Variants in POLR2F observed in about 807,000 individuals in gnomAD.
The protein encoded by POLR2F is DNA-directed RNA polymerases I, II, and III subunit RPABC2.
In POLR2F, 12 loss-of-function variants were observed where a neutral mutation model predicts 22.7. That is an observed-to-expected ratio of 0.53 (90% CI 0.34 to 0.86). The LOEUF (loss-of-function observed/expected upper bound fraction) is 0.86, where lower values mean the gene tolerates loss of function less well. POLR2F is among the 40% of genes least tolerant of loss of function. The pLI is 0.02. For missense variants in POLR2F, 126 were observed against 171.5 expected (o/e 0.73, Z 1.48); for synonymous variants, 57 against 66.0 (o/e 0.86, Z 0.66).
chr22:38,040,786 C>A, intron 5 of POLR2F: 1 of 487,086 alleles, frequency 2.1e-6, no homozygotes, highest in Non-Finnish European at 3.7e-6. Flanking sequence ...GCCTGGTGGG[C>A]ATGTTGTGAT....
At chr22:38,006,228 T>C (rs887547690) in intron 1 of POLR2F, among the ~76,000 whole-genome samples, 3 of 151,410 alleles carry the variant, frequency 2.0e-5, no homozygotes, top group Non-Finnish European at 2.9e-5. Context: ...AAAAAAAAAA[T>C]GGTTTGCTCT....
chr22:37,983,481 G>A (rs758261188), upstream of POLR2F: 2 of 1,611,828 alleles, frequency 1.2e-6, no homozygotes, highest in South Asian at 2.2e-5. The surrounding 1 kb of genome is among the most constrained non-coding windows in gnomAD (Gnocchi z 9.5). Context: ...TTGACGTGCG[G>A]CTTGCTTTTG....
At position 37,956,706 on chromosome 22, in the gene POLR2F, C is replaced by T. The variant is rs1209223101; in HGVS notation, c.21-67C>T. The T allele has an allele frequency of 1.0e-5, 13 of 1,249,622 alleles. No homozygotes were observed. In the East Asian group the frequency reaches 1.2e-4, roughly 11 times the overall value. The allele number at this position is 1,249,622 out of a possible 1,614,324, so 77.4% of individuals were successfully genotyped here. A position where few individuals can be genotyped will look rare whatever the true frequency, so the allele number is the denominator to read the frequency against. ...TACCAGGATTACAAGTGTGATCCAC[C>T]GTGCCTGGCCCCTCTTTGATTCTTT... On this transcript the variant is annotated intron_variant, in intron 1 of 4. Transcript: ENST00000442738.
In POLR2F at chr22:38,017,150, A is replaced by G. The variant is rs2084922732; in HGVS notation, c.121-8719A>G. ...TCATGTGCCCTGGGCTTGCTGTGCCACCCAAGGCAGCCTCTCTAGGTCTGG... is the reference window on the plus strand; with the variant it reads ...TCATGTGCCCTGGGCTTGCTGTGCCGCCCAAGGCAGCCTCTCTAGGTCTGG... On this transcript the variant is annotated intron_variant, in intron 1 of 2. Coordinates refer to the POLR2F transcript ENST00000333418. This position sits in a 1 kb window ranked among gnomAD's most constrained non-coding sequence, Gnocchi z 4.1. Among the ~76,000 whole-genome samples the G allele has an allele frequency of 1.3e-5, 2 of 152,156 alleles. No homozygotes were observed. The highest frequency in any genetic ancestry group is 1.3e-4 in the Admixed American group (2 of 15,288).
At chr22:37,965,314 CTGTT>C (rs1344582443) in intron 3 of POLR2F, among the ~76,000 whole-genome samples, 1 of 152,238 alleles carries the variant, frequency 6.6e-6, no homozygotes, top group East Asian at 1.9e-4. Context: ...GCCAGAACAA[CTGTT>C]TGTTGGGTAG....
chr22:37,967,015 C>A, intron 3 of POLR2F, 84 bp from the exon 4 acceptor site: 1 of 947,864 alleles, frequency 1.1e-6, no homozygotes, highest in Non-Finnish European at 1.6e-6. Flanking sequence ...AGGTGGGGAC[C>A]AGGATGCCGT....
chr22:37,971,278 C>T (rs760647866), downstream of POLR2F: 17 of 470,938 alleles, frequency 3.6e-5, no homozygotes, highest in Admixed American at 9.4e-5. Context: ...GCATCAGCCT[C>T]GCAAACTTCA....
At position 37,986,298 on chromosome 22, in the gene POLR2F, C is replaced by G. The variant is rs1258100835; in HGVS notation, c.108C>G (p.Gly36=). Residue 36 remains glycine, a synonymous_variant, in exon 1 of 3, where the codon GGC becomes GGG. Transcript: ENST00000333418. This position sits in a 1 kb window ranked among gnomAD's most constrained non-coding sequence, Gnocchi z 4.7. ...GCCCGCCCGCTGCCTGCCTGCCTGGCATCTCTCTCTCCCGGTGGGTCCCCA... is the reference window on the plus strand; with the variant it reads ...GCCCGCCCGCTGCCTGCCTGCCTGGGATCTCTCTCTCCCGGTGGGTCCCCA... 5 of 1,537,702 alleles carry G rather than the reference C, an allele frequency of 3.3e-6. No homozygotes were observed. The South Asian group carries it at 3.6e-5, about 11-fold the overall frequency.
At position 37,977,619 on chromosome 22, in the gene POLR2F, G is replaced by A. The variant is rs117929423; in HGVS notation, c.293+10449G>A. Among the ~76,000 whole-genome samples the A allele has an allele frequency of 8.4e-4, 128 of 151,730 alleles. No individual in the cohort carries two copies. In the East Asian group the frequency reaches 0.021, roughly 25 times the overall value. On this transcript the variant is annotated intron_variant, in intron 4 of 4. Coordinates refer to the POLR2F transcript ENST00000405557. ...ACAGGTGTGAGCCACCACACCCGGC[G>A]GCCTCCACAGTCTTTAACTGGCCCT...
chr22:37,973,367 C>T (rs986768596), downstream of POLR2F: 14 of 666,264 alleles, frequency 2.1e-5, no homozygotes, highest in South Asian at 3.9e-5. Context: ...GAAAGCCCCC[C>T]GACCTGTCAG....
chr22:37,998,167 G>C (rs565490622), intron 1 of POLR2F, among the ~76,000 whole-genome samples: 3 of 152,226 alleles, frequency 2.0e-5, no homozygotes, highest in Admixed American at 6.5e-5. Context: ...TGGTCGATTG[G>C]GGGTGGGGCA....
chr22:38,033,722 C>G (rs528486058), intron 5 of POLR2F, among the ~76,000 whole-genome samples: 2 of 152,146 alleles, frequency 1.3e-5, no homozygotes, highest in South Asian at 4.1e-4. Context: ...GTGGCAGGAT[C>G]CTGAGGGGAG....
At chr22:37,965,816 G>C (rs1931831349) in intron 3 of POLR2F, among the ~76,000 whole-genome samples, 1 of 152,222 alleles carries the variant, frequency 6.6e-6, no homozygotes, top group South Asian at 2.1e-4. Flanking sequence ...TTCTATTCCG[G>C]GGGTCTGGGG....
At chr22:38,019,370 G>A (rs1455344694) in intron 1 of POLR2F, among the ~76,000 whole-genome samples, 3 of 152,150 alleles carry the variant, frequency 2.0e-5, no homozygotes, top group Non-Finnish European at 2.9e-5. Flanking sequence ...CTGAGAGCCC[G>A]TGACTACTGC....
chr22:37,977,387 C>A (rs572960790), intron 4 of POLR2F, among the ~76,000 whole-genome samples: 1 of 151,380 alleles, frequency 6.6e-6, no homozygotes, highest in Admixed American at 6.6e-5. Flanking sequence ...GTGGCGCGAT[C>A]CCGGCTCACT....
At chr22:37,956,129 G>A (rs950477747) in intron 1 of POLR2F, among the ~76,000 whole-genome samples, 33 of 147,850 alleles carry the variant, frequency 2.2e-4, no homozygotes, top group Non-Finnish European at 4.2e-4. Context: ...CACTCTTGTT[G>A]CCCAGGCTGG....
intron 1 of POLR2F, among the ~76,000 whole-genome samples, chr22:38,004,779 T>C (rs2084805751): frequency 6.6e-6 from 1 of 152,140 alleles, no homozygotes; most frequent in Non-Finnish European, 1.5e-5. Context: ...ACCCCATCTC[T>C]ACTAAAAATA....
At chr22:37,996,424 G>A (rs977286014) in intron 1 of POLR2F, among the ~76,000 whole-genome samples, 6 of 152,236 alleles carry the variant, frequency 3.9e-5, no homozygotes, top group Non-Finnish European at 7.3e-5. Context: ...GGACAAGGGC[G>A]GGGCAGTGGG....
At chr22:38,000,586 T>C (rs757361058) in intron 1 of POLR2F, among the ~76,000 whole-genome samples, 1 of 152,196 alleles carries the variant, frequency 6.6e-6, no homozygotes, top group Non-Finnish European at 1.5e-5. Flanking sequence ...CTGCAGTCTG[T>C]GCAGGGCACT....
Sources: allele counts gnomAD v4.1 joint callset (sites outside exome capture counted in the v4.1 genomes callset), GRCh38; gene constraint gnomAD v4.1.1; non-coding constraint Gnocchi (gnomAD v3.1); transcripts MANE v1.5; gene names NCBI Gene and HGNC (gene_info 2026-07-23, HGNC 2026-07-21).